The following HMG20B variants were observed in gnomAD, a reference collection of about 807,000 sequenced individuals.
HMG20B encodes high mobility group 20B.
A neutral mutation model predicts 41.6 loss-of-function variants in HMG20B; 24 were observed. The ratio of observed to expected loss-of-function variants is 0.58; its 90% confidence interval spans 0.42 to 0.81. The LOEUF (loss-of-function observed/expected upper bound fraction) is 0.81, where lower values mean the gene tolerates loss of function less well. HMG20B is among the 30% of genes least tolerant of loss of function. The pLI, the probability that HMG20B is intolerant of heterozygous loss-of-function variation, is 0.00. For missense variants in HMG20B, 461 were observed against 444.0 expected, an observed-to-expected ratio of 1.04 and a Z score of -0.34; for synonymous variants, 251 against 186.6, an observed-to-expected ratio of 1.34 and a Z score of -2.81.
At chr19:3,575,938 C>T (rs368213982) in intron 5 of HMG20B, 8 of 397,600 alleles carry the variant, frequency 2.0e-5, no homozygotes, top group East Asian at 4.1e-5. Flanking sequence ...GGCGAGACTC[C>T]GTCTCAAAAA....
At chr19:3,573,017 G>T in intron 1 of HMG20B, 23 bp downstream of exon 1, 1 of 387,376 alleles carries the variant, frequency 2.6e-6, no homozygotes, top group Non-Finnish European at 4.6e-6. Flanking sequence ...GCGGAACTCC[G>T]GGCCCTGAGA....
intron 9 of HMG20B, 198 bp downstream of exon 9, chr19:3,578,311 C>A: frequency 8.9e-7 from 1 of 1,117,884 alleles, no homozygotes. Context: ...CGGCGGGACC[C>A]ACTCGGGGGC....
intron 3 of HMG20B, chr19:3,574,079 C>G (rs2032102847): frequency 4.7e-6 from 3 of 638,984 alleles, no homozygotes; most frequent in Admixed American, 2.8e-5. Context: ...CCTGTGGGCC[C>G]GTTCTCCAGC....
chr19:3,573,966 C>T, intron 3 of HMG20B, 166 bp downstream of exon 3: 1 of 731,538 alleles, frequency 1.4e-6, no homozygotes, highest in Non-Finnish European at 2.4e-6. Flanking sequence ...GACAGGTCCT[C>T]TGCCACTCTA....
intron 3 of HMG20B, chr19:3,574,115 G>A (rs2032103556): frequency 1.6e-6 from 1 of 628,156 alleles, no homozygotes; most frequent in African/African-American, 1.9e-5. Context: ...CCAAGCAGAG[G>A]CCACGCCCAC....
chr19:3,573,879 AATTGCTTGTG>A, intron 3 of HMG20B, 79 bp downstream of exon 3: 1 of 1,309,430 alleles, frequency 7.6e-7, no homozygotes, highest in Non-Finnish European at 1.1e-6. Flanking sequence ...GCTGGATTTG[AATTGCTTGTG>A]GCTCCGCCCA....
chr19:3,576,249 C>G lies in HMG20B; in HGVS notation c.473-12C>G, dbSNP rs777434905. The G allele has an allele frequency of 1.2e-6, 2 of 1,613,630 alleles. No homozygotes were observed. Among genetic ancestry groups the G allele is most frequent in the South Asian group, 1.1e-5 (1 of 91,084 alleles). On this transcript the variant is annotated splice_polypyrimidine_tract_variant and intron_variant, in intron 5 of 9. Coordinates refer to ENST00000333651, the MANE Select transcript of HMG20B (RefSeq NM_006339.3). The stretch of plus-strand genomic sequence containing the variant: ...CTGGGAGGCTGACCCTGCCCTTCCC[C>G]TCCCCCGCCAGAAGACTCGAGCTCT...
Position 3,576,319 on chromosome 19 carries a change from TC to T in HMG20B, c.519+13del. 1 of 717,044 alleles carries T rather than the reference TC, an allele frequency of 1.4e-6. No homozygotes were observed. The highest frequency in any genetic ancestry group is 2.0e-6 in the Non-Finnish European group (1 of 493,490). The allele number at this position is 717,044 out of a possible 1,614,324, so 44.4% of individuals were successfully genotyped here. The stretch of plus-strand genomic sequence containing the variant: ...TGAATGGACACAAGGTAAGCGACCT[TC>T]TTCCTCTCAAAGCACCTGGGGGAGA... On this transcript the variant is annotated intron_variant, in intron 6 of 9. Coordinates refer to ENST00000333651, the MANE Select transcript of HMG20B (RefSeq NM_006339.3).
At chr19:3,578,388 T>A in intron 9 of HMG20B, 121 bp from the exon 10 acceptor site, 1 of 1,371,080 alleles carries the variant, frequency 7.3e-7, no homozygotes, top group Non-Finnish European at 9.7e-7. Flanking sequence ...TCAACGCCTG[T>A]CCCCCAACCC....
Position 3,575,628 on chromosome 19 carries a change from C to T in HMG20B, c.440C>T (p.Thr147Met), listed in dbSNP as rs1385967204. ...CAGTCTGAAGCCTATAAGATGTGCA[C>T]GGAGAAGATCCAGGAGAAGAAGATC... The part of the protein sequence containing the change: ...YQQSEAYKMC[T>M]EKIQEKKIKK... Residue 147 changes from threonine to methionine, a missense_variant, in exon 5 of 10, where the codon ACG (threonine) becomes ATG (methionine). Thr to Met is a moderately conservative substitution (Grantham distance 81, BLOSUM62 -1). Coordinates refer to ENST00000333651, the MANE Select transcript of HMG20B (RefSeq NM_006339.3). 3.9e-6 allele frequency: 6 copies of T among 1,551,296 alleles called. No homozygotes were observed. The highest frequency in any genetic ancestry group is 2.7e-5 in the African/African-American group (2 of 73,006).
In HMG20B at chr19:3,578,879, AC is replaced by A. The variant is rs2032234692; in HGVS notation, c.*359del. ...GGCAGGACCCCCCAAATTACTCACT[AC>A]GGGGGGCTGTGCCATAGGCCACACA... On this transcript the variant is annotated 3_prime_UTR_variant, in exon 10 of 10. Coordinates refer to ENST00000333651, the MANE Select transcript of HMG20B (RefSeq NM_006339.3). 1.9e-6 allele frequency: 1 copy of A among 536,738 alleles called. No homozygotes were observed. Among genetic ancestry groups the A allele is most frequent in the Non-Finnish European group, 3.6e-6 (1 of 279,154 alleles). The allele number at this position is 536,738 out of a possible 1,614,324, so 33.2% of individuals were successfully genotyped here. A position where few individuals can be genotyped will look rare whatever the true frequency, so the allele number is the denominator to read the frequency against.
In HMG20B at chr19:3,576,918, C is replaced by T. The variant is rs1490874257; in HGVS notation, c.619C>T (p.Arg207Trp). ...GCGTGAGGCGGAGCTTCGGCGCTTGCGGAAGATGAATGTGGCCTTCGAGGA... is the reference window on the plus strand; with the variant it reads ...GCGTGAGGCGGAGCTTCGGCGCTTGTGGAAGATGAATGTGGCCTTCGAGGA... ...KAREAELRRLRKMNVAFEEQN... is the reference protein window; with the variant it reads ...KAREAELRRLWKMNVAFEEQN... The change falls in exon 8 of 10, where the codon CGG (arginine) becomes TGG (tryptophan). Residue 207 changes from arginine (R) to tryptophan (W), a missense_variant. By Grantham distance (101) the Arg-to-Trp change is moderately radical (BLOSUM62 -3). Transcript: ENST00000333651. The T allele has an allele frequency of 9.5e-6, 15 of 1,580,602 alleles. No homozygotes were observed. The highest frequency in any genetic ancestry group is 1.2e-5 in the Non-Finnish European group (14 of 1,164,966).
chr19:3,577,308 C>T (rs2032191632), intron 8 of HMG20B, among the ~76,000 whole-genome samples: 1 of 149,044 alleles, frequency 6.7e-6, no homozygotes, highest in Non-Finnish European at 1.5e-5. Flanking sequence ...GCACCCCTAC[C>T]CCATAGCTCC....
rs2032177695 is a variant in HMG20B at position 3,577,033 on chromosome 19, C to T, written c.734C>T (p.Thr245Met). ...EQELALEERR[T>M]LALQQQLQAV... ...GAGCTGGCGCTGGAGGAGCGGAGGA[C>T]GCTGGCGCTGCAGCAGCAGCTCCAG... The change falls in exon 8 of 10, where the codon ACG becomes ATG. Residue 245 changes from threonine (T) to methionine (M), a missense_variant. Around this residue, in one of 3 missense-constraint regions of HMG20B, gnomAD observed 308 missense variants for 283.4 expected, o/e 1.09. Coordinates refer to ENST00000333651, the MANE Select transcript of HMG20B (RefSeq NM_006339.3). 1.3e-6 allele frequency: 2 copies of T among 1,549,966 alleles called. No individual in the cohort carries two copies. The highest frequency in any genetic ancestry group is 1.4e-5 in the African/African-American group (1 of 73,144).
In HMG20B at chr19:3,578,055, C is replaced by A; in HGVS notation, c.883C>A (p.Pro295Thr). The change falls in exon 9 of 10, where the codon CCC becomes ACC. Residue 295 changes from proline to threonine, a missense_variant. Physicochemically the swap from Pro to Thr is conservative, Grantham distance 38 (BLOSUM62 -1). This residue lies in a region of HMG20B where 308 missense variants were observed against 283.4 expected (regional missense o/e 1.09). Transcript: ENST00000333651. ...ARLHGAIERDPAQHEKLIVRI... is the reference protein window; with the variant it reads ...ARLHGAIERDTAQHEKLIVRI... ...GCTTCACGGAGCCATCGAGCGCGAC[C>A]CCGCCCAGCACGAGAAGCTCATCGT... 6.2e-7 allele frequency: 1 copy of A among 1,611,082 alleles called. No individual in the cohort carries two copies.
intron 5 of HMG20B, 193 bp downstream of exon 5, chr19:3,575,853 A>G: frequency 1.9e-6 from 1 of 520,358 alleles, no homozygotes; most frequent in Non-Finnish European, 3.4e-6. Flanking sequence ...CTGAGGCAGG[A>G]GAATTGCTTG....
chr19:3,577,799 C>T (rs1022416761), intron 8 of HMG20B, among the ~76,000 whole-genome samples, 182 bp from the exon 9 acceptor site: 73 of 151,686 alleles, frequency 4.8e-4, no homozygotes, highest in Non-Finnish European at 7.5e-4. Flanking sequence ...ACCCTGTCCC[C>T]GTCCTCGCCA....
At chr19:3,574,715 CTTTTT>C (rs142748294) in intron 4 of HMG20B, 129 bp downstream of exon 4, 169 of 584,948 alleles carry the variant, frequency 2.9e-4, no homozygotes, top group South Asian at 3.2e-4. Context: ...CCATAACCAA[CTTTTT>C]TTTTTTTTTT....
At position 3,577,064 on chromosome 19, in the gene HMG20B, G is replaced by A. The variant is rs1017028851; in HGVS notation, c.765G>A (p.Val255=). The A allele has an allele frequency of 2.6e-6, 4 of 1,543,260 alleles. No homozygotes were observed. Among genetic ancestry groups the A allele is most frequent in the Non-Finnish European group, 3.5e-6 (4 of 1,145,464 alleles). ...CGCTGCAGCAGCAGCTCCAGGCCGT[G>A]CGCCAGGCGCTCACCGCCAGCTTCG... ...TLALQQQLQA[V]RQALTASFAS... is the part of the protein sequence containing the mutation. The change falls in exon 8 of 10, where the codon GTG becomes GTA. Residue 255 remains valine, a synonymous_variant. Coordinates refer to ENST00000333651, the MANE Select transcript of HMG20B (RefSeq NM_006339.3).
Sources: allele counts gnomAD v4.1 joint callset (sites outside exome capture counted in the v4.1 genomes callset), GRCh38; gene constraint gnomAD v4.1.1; regional missense constraint gnomAD v4.1.1; transcripts MANE v1.5; gene names NCBI Gene and HGNC (gene_info 2026-07-23, HGNC 2026-07-21).